LYRM1: variants seen among roughly 807,000 people sequenced by gnomAD.
The protein encoded by LYRM1 is LYR motif-containing protein 1.
LYRM1 carries 14 observed loss-of-function variants against 14.9 expected under a neutral mutation model. The ratio of observed to expected loss-of-function variants is 0.94; its 90% CI spans 0.62 to 1.47. The LOEUF (loss-of-function observed/expected upper bound fraction) is 1.47, where lower values mean the gene tolerates loss of function less well. LYRM1 is among the 40% of genes most tolerant of loss of function. The probability of loss-of-function intolerance (pLI) is 0.00; values close to 1 mark genes in which losing one functional copy is unlikely to be tolerated. For missense variants in LYRM1, 153 were observed against 149.9 expected (o/e 1.02, Z -0.11); for synonymous variants, 43 against 56.2 (o/e 0.77, Z 1.05).
intron 1 of LYRM1, 35 bp from the exon 2 acceptor site, chr16:20,915,521 C>T: frequency 6.3e-7 from 1 of 1,582,270 alleles, no homozygotes; most frequent in Non-Finnish European, 8.6e-7. Flanking sequence ...CATTTTTATG[C>T]AAATTTTCCC....
Position 20,908,498 on chromosome 16 carries a change from T to C in LYRM1, c.1-7058T>C, listed in dbSNP as rs568490858. Among the ~76,000 whole-genome samples, 4 of 152,364 alleles carry C rather than the reference T, an allele frequency of 2.6e-5. No homozygotes were observed. In the South Asian group the frequency reaches 8.3e-4, roughly 32 times the overall value. ...CCTGCCTATTGTTAGCTGTGTGACCTTGGACAAGTTACTTAGTCTCTGCAT... is the reference window on the plus strand; with the variant it reads ...CCTGCCTATTGTTAGCTGTGTGACCCTGGACAAGTTACTTAGTCTCTGCAT... On this transcript the variant is annotated intron_variant, in intron 1 of 3. Transcript: ENST00000567954.
At position 20,917,901 on chromosome 16, in the gene LYRM1, C is replaced by T. The variant is rs901510553; in HGVS notation, c.159+2187C>T. 4.6e-5 allele frequency among the ~76,000 whole-genome samples: 7 copies of T among 151,844 alleles called. No homozygotes were observed. In the South Asian group the frequency reaches 6.2e-4, roughly 14 times the overall value. ...CATCAGTTCCTTGAACATATAGACA[C>T]GTTCTTATACTTATCTAGTATATCC... On this transcript the variant is annotated intron_variant, in intron 2 of 3. Transcript: ENST00000567954.
intron 1 of LYRM1, among the ~76,000 whole-genome samples, chr16:20,904,694 TG>T (rs201124834): frequency 0.017 from 2,557 of 147,046 alleles, 76 homozygotes; most frequent in African/African-American, 0.061. Context: ...TCTGTGGTTG[TG>T]TGTGTGTGTG....
intron 1 of LYRM1, among the ~76,000 whole-genome samples, chr16:20,905,624 A>G (rs1452577863): frequency 6.6e-6 from 1 of 152,154 alleles, no homozygotes; most frequent in Non-Finnish European, 1.5e-5. Flanking sequence ...GGATTTTTTC[A>G]GGAAAAAAGT....
chr16:20,920,294 G>T (rs767892733), intron 3 of LYRM1, 80 bp downstream of exon 3: 9 of 1,061,440 alleles, frequency 8.5e-6, no homozygotes, highest in Non-Finnish European at 1.2e-5. Flanking sequence ...TAACAAGAGG[G>T]CGAGTGCTTG....
chr16:20,913,220 A>G (rs2082691800), intron 1 of LYRM1, among the ~76,000 whole-genome samples: 1 of 151,732 alleles, frequency 6.6e-6, no homozygotes, highest in Non-Finnish European at 1.5e-5. Context: ...TGTTATTTGG[A>G]AGGGGTACAG....
intron 3 of LYRM1, 89 bp from the exon 4 acceptor site, chr16:20,923,911 A>C: frequency 1.4e-6 from 1 of 705,148 alleles, no homozygotes. Context: ...CTTAGCAGAG[A>C]ATATGGTACT....
intron 1 of LYRM1, among the ~76,000 whole-genome samples, chr16:20,913,052 G>A (rs1358059826): frequency 6.8e-6 from 1 of 146,972 alleles, no homozygotes; most frequent in South Asian, 2.2e-4. Context: ...GGCAACAAAA[G>A]CGAAACTCTG....
At chr16:20,915,522 A>C (rs182121297) in intron 1 of LYRM1, 34 bp from the exon 2 acceptor site, 1 of 1,590,954 alleles carries the variant, frequency 6.3e-7, no homozygotes, top group Non-Finnish European at 8.6e-7. Flanking sequence ...ATTTTTATGC[A>C]AATTTTCCCT....
intron 2 of LYRM1, among the ~76,000 whole-genome samples, chr16:20,916,575 G>A (rs1158892006): frequency 6.6e-6 from 1 of 152,156 alleles, no homozygotes; most frequent in Non-Finnish European, 1.5e-5. Flanking sequence ...AGCCCTCTGT[G>A]CTGAGGCCTG....
Position 20,920,200 on chromosome 16 carries a change from C to T in LYRM1, c.238C>T (p.Pro80Ser), listed in dbSNP as rs1240432417. The T allele has an allele frequency of 6.2e-7, 1 of 1,613,352 alleles. No individual in the cohort carries two copies. The highest frequency in any genetic ancestry group is 8.5e-7 in the Non-Finnish European group (1 of 1,179,280). ...RIEIGLHYKI[P>S]YPRPIHLPPM... ...TGAAATTGGACTGCATTACAAGATT[C>T]CTTACCCAAGGCCAGTAAGTGTGAC... Residue 80 changes from proline (P) to serine (S), a missense_variant, in exon 3 of 4, where the codon CCT becomes TCT. Physicochemically the swap from Pro to Ser is moderately conservative, Grantham distance 74. Coordinates refer to ENST00000567954, the MANE Select transcript of LYRM1 (RefSeq NM_001128302.3).
chr16:20,915,787 CT>C, intron 2 of LYRM1, 73 bp downstream of exon 2: 1 of 1,510,252 alleles, frequency 6.6e-7, no homozygotes, highest in East Asian at 2.3e-5. Flanking sequence ...TCTTTTCGGT[CT>C]TTAATCAAGA....
In LYRM1 at chr16:20,915,668, A is replaced by G. The variant is rs779153568; in HGVS notation, c.113A>G (p.Gln38Arg). The stretch of plus-strand genomic sequence containing the variant: ...ATGGAAGACACCATCAAAGAAAAAC[A>G]GTACATACTAAATGAAGCCAGAACG... ...GQMEDTIKEK[Q>R]YILNEARTLF... The change falls in exon 2 of 4, where the codon CAG becomes CGG. Residue 38 changes from glutamine to arginine, a missense_variant. By Grantham distance (43) the Gln-to-Arg change is conservative (BLOSUM62 1). Coordinates refer to ENST00000567954, the MANE Select transcript of LYRM1 (RefSeq NM_001128302.3). The G allele has an allele frequency of 8.1e-6, 13 of 1,614,114 alleles. No homozygotes were observed. In the South Asian group the frequency reaches 1.2e-4, roughly 15 times the overall value.
intron 1 of LYRM1, chr16:20,911,357 C>T (rs1223496885): frequency 1.3e-5 from 2 of 152,184 alleles, no homozygotes; most frequent in Non-Finnish European, 2.9e-5. Context: ...CTTCCAGCTC[C>T]AATCTGCATT....
rs2083340604 is a variant in LYRM1 at position 20,924,012 on chromosome 16, C to T, written c.265C>T (p.Pro89Ser). Residue 89 changes from proline to serine, a missense_variant, in exon 4 of 4, where the codon CCA (proline) becomes TCA (serine). Coordinates refer to ENST00000567954, the MANE Select transcript of LYRM1 (RefSeq NM_001128302.3). ...IPYPRPIHLP[P>S]MGLTPLRGRG... ...TGTTCTTATTCAGATTCATCTGCCT[C>T]CAATGGGCCTTACCCCACTCCGAGG... 4.4e-6 allele frequency: 7 copies of T among 1,598,814 alleles called. No individual in the cohort carries two copies. Among genetic ancestry groups the T allele is most frequent in the Non-Finnish European group, 6.0e-6 (7 of 1,169,508 alleles).
At position 20,901,757 on chromosome 16, in the gene LYRM1, G is replaced by A. The variant is rs1189691200; in HGVS notation, c.-1+868G>A. On this transcript the variant is annotated intron_variant, in intron 1 of 3. Transcript: ENST00000567954. This position sits in a 1 kb window ranked among gnomAD's most constrained non-coding sequence, Gnocchi z 4.6. ...TTTTAAAAATCCGCTCTGCCTGCTG[G>A]ATAGAGAAGGGTGGAAGTAGTTAGA... is the stretch of plus-strand genomic sequence containing the variant. 3.9e-5 allele frequency among the ~76,000 whole-genome samples: 6 copies of A among 152,230 alleles called. No individual in the cohort carries two copies. Among genetic ancestry groups the A allele is most frequent in the Non-Finnish European group, 8.8e-5 (6 of 68,052 alleles).
intron 1 of LYRM1, among the ~76,000 whole-genome samples, chr16:20,906,310 T>C (rs2082318456): frequency 6.6e-6 from 1 of 152,188 alleles, no homozygotes; most frequent in South Asian, 2.1e-4. Flanking sequence ...ATTTCAGTTG[T>C]ATGAAGTAGA....
chr16:20,911,889 G>A (rs1271225637), intron 1 of LYRM1, among the ~76,000 whole-genome samples: 2 of 151,612 alleles, frequency 1.3e-5, no homozygotes, highest in Non-Finnish European at 2.9e-5. Flanking sequence ...TGAGCCACTG[G>A]AGCCAGCCTG....
intron 3 of LYRM1, among the ~76,000 whole-genome samples, chr16:20,922,945 C>T (rs893863937): frequency 1.3e-5 from 2 of 152,096 alleles, no homozygotes; most frequent in African/African-American, 4.8e-5. Flanking sequence ...TGGTAGAAAT[C>T]CCCAGTCTGA....
Sources: allele counts gnomAD v4.1 joint callset (sites outside exome capture counted in the v4.1 genomes callset), GRCh38; gene constraint gnomAD v4.1.1; non-coding constraint Gnocchi (gnomAD v3.1); transcripts MANE v1.5; gene names NCBI Gene and HGNC (gene_info 2026-07-23, HGNC 2026-07-21).